The following ASPM variants were observed in gnomAD, a reference collection of about 807,000 sequenced individuals.
ASPM encodes the protein abnormal spindle-like microcephaly-associated protein.
In ASPM, 256 loss-of-function variants were observed where a neutral mutation model predicts 366.4. The observed-to-expected ratio is 0.70, with a 90% CI of 0.63 to 0.77. ASPM has a LOEUF of 0.77. Among genes scored for constraint, ASPM ranks in the 30% least tolerant of loss-of-function variants. ASPM has a pLI of 0.00. For missense variants in ASPM, 4,146 were observed against 4,090.4 expected (o/e 1.01, Z -0.37); for synonymous variants, 1,414 against 1,342.9 (o/e 1.05, Z -1.16).
intron 10 of ASPM, among the ~76,000 whole-genome samples, chr1:197,126,346 C>G (rs1338555923): frequency 6.8e-6 from 1 of 147,592 alleles, no homozygotes; most frequent in East Asian, 2.0e-4. Context: ...GGAGCTGAGG[C>G]AGGAGAATCG....
At position 197,092,072 on chromosome 1, in the gene ASPM, C is replaced by G; in HGVS notation, c.9295-16G>C. On this transcript the variant is annotated splice_polypyrimidine_tract_variant and intron_variant, in intron 21 of 27. Coordinates refer to ENST00000367409, the MANE Select transcript of ASPM (RefSeq NM_018136.5). ...GTTCTAAAAACTAAAGGTGAAAAAA[C>G]AAAGCATATTCAAGTATCTGCCTCC... 1 of 1,610,240 alleles carries G rather than the reference C, an allele frequency of 6.2e-7. No homozygotes were observed. The highest frequency in any genetic ancestry group is 8.5e-7 in the Non-Finnish European group (1 of 1,177,724).
chr1:197,092,178 T>A (rs1656806939), intron 21 of ASPM, 122 bp from the exon 22 acceptor site: 8 of 894,776 alleles, frequency 8.9e-6, no homozygotes, highest in Non-Finnish European at 1.4e-5. Flanking sequence ...TAATTTTTAA[T>A]CATTACAATT....
Position 197,141,743 on chromosome 1 carries a change from CT to C in ASPM, c.1921+587del, listed in dbSNP as rs149677771. ...CGCAACTTGAGGACAGGAATTATCCCTTTCCTCCCTGTGTACACAGTGCCTA... is the reference window on the plus strand; with the variant it reads ...CGCAACTTGAGGACAGGAATTATCCCTTCCTCCCTGTGTACACAGTGCCTA... On this transcript the variant is annotated intron_variant, in intron 3 of 27. Transcript: ENST00000367409. Among the ~76,000 whole-genome samples the C allele has an allele frequency of 6.9e-3, 1,053 of 152,240 alleles. 10 individuals are homozygous for C. The highest frequency in any genetic ancestry group is 0.023 in the African/African-American group (955 of 41,544).
chr1:197,100,273 CT>C (rs1264331511), intron 18 of ASPM, among the ~76,000 whole-genome samples, 157 bp downstream of exon 18: 1 of 151,682 alleles, frequency 6.6e-6, no homozygotes, highest in Non-Finnish European at 1.5e-5. Context: ...TACTAGTGCC[CT>C]TTCCCTCTTT....
At chr1:197,118,453 T>C (rs558532129) in intron 16 of ASPM, among the ~76,000 whole-genome samples, 12 of 152,144 alleles carry the variant, frequency 7.9e-5, no homozygotes, top group African/African-American at 2.4e-4. Context: ...ACAGAATACA[T>C]TGTGGCCTTA....
Position 197,146,493 on chromosome 1 carries a change from G to C in ASPM, c.-56C>G, listed in dbSNP as rs1342979196. The C allele has an allele frequency of 6.3e-7, 1 of 1,586,460 alleles. No homozygotes were observed. The highest frequency in any genetic ancestry group is 8.5e-7 in the Non-Finnish European group (1 of 1,170,964). ...TGCCCCGCTCCCACGAGGCGGCTCC[G>C]GAGCGGGGATCCGGGACTTACGCTG... On this transcript the variant is annotated 5_prime_UTR_variant, in exon 1 of 28. Coordinates refer to ENST00000367409, the MANE Select transcript of ASPM (RefSeq NM_018136.5).
In ASPM at chr1:197,124,325, T is replaced by C. The variant is rs1384653357; in HGVS notation, c.3175A>G (p.Ile1059Val). ...WKIAFAFQVD[I>V]SLNLDQLKEE... ...TTTAATTGATCTAAGTTAAGGGAAA[T>C]ATCCACCTAAAACAAACACAAAAAA... Residue 1059 changes from isoleucine (I) to valine (V), a missense_variant, in exon 13 of 28, where the codon ATT becomes GTT. Physicochemically the swap from Ile to Val is conservative, Grantham distance 29. Around this residue, in one of 3 missense-constraint regions of ASPM, gnomAD observed 3,624 missense variants for 3,591.7 expected, o/e 1.01. Transcript: ENST00000367409. 1 of 1,563,892 alleles carries C rather than the reference T, an allele frequency of 6.4e-7. No individual in the cohort carries two copies. Among genetic ancestry groups the C allele is most frequent in the Non-Finnish European group, 8.8e-7 (1 of 1,137,432 alleles).
At position 197,101,186 on chromosome 1, in the gene ASPM, G is replaced by C. The variant is rs1476718823; in HGVS notation, c.8065C>G (p.His2689Asp). 1 of 1,612,250 alleles carries C rather than the reference G, an allele frequency of 6.2e-7. No individual in the cohort carries two copies. Among genetic ancestry groups the C allele is most frequent in the African/African-American group, 1.3e-5 (1 of 74,788 alleles). Residue 2689 changes from histidine to aspartate, a missense_variant, in exon 18 of 28, where the codon CAC becomes GAC. His to Asp is a moderately conservative substitution (Grantham distance 81). Coordinates refer to ENST00000367409, the MANE Select transcript of ASPM (RefSeq NM_018136.5). ...FKVRKDIQNMHRAATLIQSFY... is the reference protein window; with the variant it reads ...FKVRKDIQNMDRAATLIQSFY... ...GACTGAATTAGTGTGGCAGCCCGGTGCATATTTTGAATATCCTTTCGTACT... is the reference window on the plus strand; with the variant it reads ...GACTGAATTAGTGTGGCAGCCCGGTCCATATTTTGAATATCCTTTCGTACT...
Position 197,101,759 on chromosome 1 carries a change from T to C in ASPM, c.7492A>G (p.Ile2498Val), listed in dbSNP as rs1314102529. ...QATFRMYRTY[I>V]TFQTWKHASI... ...GCATGTTTCCAAGTCTGAAATGTAA[T>C]ATATGTTCTGTACATCCTGAAAGTA... is the stretch of plus-strand genomic sequence containing the variant. Residue 2498 changes from isoleucine to valine, a missense_variant, in exon 18 of 28, where the codon ATT becomes GTT. Physicochemically the swap from Ile to Val is conservative, Grantham distance 29 (BLOSUM62 3). Coordinates refer to ENST00000367409, the MANE Select transcript of ASPM (RefSeq NM_018136.5). The C allele has an allele frequency of 2.5e-6, 4 of 1,612,404 alleles. No individual in the cohort carries two copies. The highest frequency in any genetic ancestry group is 1.3e-5 in the African/African-American group (1 of 74,796).
In ASPM at chr1:197,146,163, G is replaced by A; in HGVS notation, c.275C>T (p.Ser92Leu). Residue 92 changes from serine (S) to leucine (L), a missense_variant, in exon 1 of 28, where the codon TCG becomes TTG. Transcript: ENST00000367409. Reference protein sequence around the residue: ...FPAADLGFSVSQRCFVLQPKE... With the variant: ...FPAADLGFSVLQRCFVLQPKE... ...TACCTGCAACACGAAACAGCGCTGC[G>A]ACACACTGAAGCCCAGGTCCGCGGC... 1.2e-6 allele frequency: 2 copies of A among 1,614,028 alleles called. No homozygotes were observed. The highest frequency in any genetic ancestry group is 1.7e-6 in the Non-Finnish European group (2 of 1,180,014).
chr1:197,124,210 T>A lies in ASPM; in HGVS notation c.3290A>T (p.Lys1097Ile). The A allele has an allele frequency of 6.2e-7, 1 of 1,611,144 alleles. No individual in the cohort carries two copies. The highest frequency in any genetic ancestry group is 2.2e-5 in the East Asian group (1 of 44,690). ...GGAACCACTATCCCTTTTGCCTTTTTTCTTATTAATAAGATCATCAGAATG... is the reference window on the plus strand; with the variant it reads ...GGAACCACTATCCCTTTTGCCTTTTATCTTATTAATAAGATCATCAGAATG... ...SCHSDDLINK[K>I]KGKRDSGSFE... Residue 1097 changes from lysine (K) to isoleucine (I), a missense_variant, in exon 13 of 28, where the codon AAA (lysine) becomes ATA (isoleucine). By Grantham distance (102) the Lys-to-Ile change is moderately radical (BLOSUM62 -3). This residue lies in a region of ASPM where 3,624 missense variants were observed against 3,591.7 expected (regional missense o/e 1.01). Coordinates refer to ENST00000367409, the MANE Select transcript of ASPM (RefSeq NM_018136.5).
In ASPM at chr1:197,102,030, C is replaced by T; in HGVS notation, c.7221G>A (p.Met2407Ile). 6.2e-7 allele frequency: 1 copy of T among 1,612,938 alleles called. No individual in the cohort carries two copies. The change falls in exon 18 of 28, where the codon ATG (methionine) becomes ATA (isoleucine). Residue 2407 changes from methionine to isoleucine, a missense_variant. This residue lies in a region of ASPM where 3,624 missense variants were observed against 3,591.7 expected (regional missense o/e 1.01). Coordinates refer to ENST00000367409, the MANE Select transcript of ASPM (RefSeq NM_018136.5). The part of the protein sequence containing the change: ...GMKTRRHLKS[M>I]HSSATLIQSR... ...TCTGAATAAGGGTTGCAGAGGAATG[C>T]ATACTCTTCAAATGTCTTCTAGTTT... is the stretch of plus-strand genomic sequence containing the variant.
At chr1:197,126,629 G>A (rs1363856370) in intron 10 of ASPM, among the ~76,000 whole-genome samples, 1 of 152,040 alleles carries the variant, frequency 6.6e-6, no homozygotes, top group African/African-American at 2.4e-5. Context: ...AAAAAAATGT[G>A]AAATATTTTA....
chr1:197,096,016 G>T lies in ASPM; in HGVS notation c.8969C>A (p.Thr2990Asn), dbSNP rs1571593242. 2 of 1,608,502 alleles carry T rather than the reference G, an allele frequency of 1.2e-6. No homozygotes were observed. Among genetic ancestry groups the T allele is most frequent in the South Asian group, 2.2e-5 (2 of 90,952 alleles). The change falls in exon 19 of 28, where the codon ACC (threonine) becomes AAC (asparagine). Residue 2990 changes from threonine (T) to asparagine (N), a missense_variant. Around this residue, in one of 3 missense-constraint regions of ASPM, gnomAD observed 3,624 missense variants for 3,591.7 expected, o/e 1.01. Coordinates refer to ENST00000367409, the MANE Select transcript of ASPM (RefSeq NM_018136.5). ...AVKIIQGCFYTKLERTRFLNV... is the reference protein window; with the variant it reads ...AVKIIQGCFYNKLERTRFLNV... ...ACATTACCGTGTTCTCTCTAGTTTGGTATAGAAGCAACCTTGAATAATTTT... is the reference window on the plus strand; with the variant it reads ...ACATTACCGTGTTCTCTCTAGTTTGTTATAGAAGCAACCTTGAATAATTTT...
In ASPM at chr1:197,143,442, A is replaced by T. The variant is rs1298360541; in HGVS notation, c.810T>A (p.Ser270=). Residue 270 remains serine (S), a synonymous_variant, in exon 3 of 28, where the codon TCT becomes TCA. Coordinates refer to ENST00000367409, the MANE Select transcript of ASPM (RefSeq NM_018136.5). ...NVHSANVSKV[S]FNEKAVTETS... is the part of the protein sequence containing the mutation. ...TTTCAGTTACAGCTTTCTCATTAAAAGAAACTTTTGAAACGTTGGCACTGT... is the reference window on the plus strand; with the variant it reads ...TTTCAGTTACAGCTTTCTCATTAAATGAAACTTTTGAAACGTTGGCACTGT... 3 of 1,613,968 alleles carry T rather than the reference A, an allele frequency of 1.9e-6. No homozygotes were observed. Among genetic ancestry groups the T allele is most frequent in the Non-Finnish European group, 1.7e-6 (2 of 1,179,928 alleles).
At chr1:197,120,681 G>A (rs1045185071) in intron 16 of ASPM, among the ~76,000 whole-genome samples, 22 of 152,246 alleles carry the variant, frequency 1.4e-4, no homozygotes, top group African/African-American at 5.1e-4. Context: ...GGCCAGGGGA[G>A]ACACTTTTCT....
At chr1:197,119,492 T>C (rs1321289280) in intron 16 of ASPM, among the ~76,000 whole-genome samples, 1 of 152,086 alleles carries the variant, frequency 6.6e-6, no homozygotes, top group Non-Finnish European at 1.5e-5. Flanking sequence ...TCTATAGAAC[T>C]AAAATACAAC....
chr1:197,144,218 C>T (rs1658697277), intron 1 of ASPM, 118 bp from the exon 2 acceptor site: 3 of 682,080 alleles, frequency 4.4e-6, no homozygotes, highest in Admixed American at 2.8e-5. Context: ...ACTCTATATA[C>T]TAAACATTTA....
At chr1:197,091,459 C>A (rs1175306212) in intron 22 of ASPM, among the ~76,000 whole-genome samples, 1 of 151,550 alleles carries the variant, frequency 6.6e-6, no homozygotes, top group Non-Finnish European at 1.5e-5. Context: ...GAAAAACGGG[C>A]AAAGTGTATG....
Sources: allele counts gnomAD v4.1 joint callset (sites outside exome capture counted in the v4.1 genomes callset), GRCh38; gene constraint gnomAD v4.1.1; regional missense constraint gnomAD v4.1.1; transcripts MANE v1.5; gene names NCBI Gene and HGNC (gene_info 2026-07-23, HGNC 2026-07-21).